Variants in TFAP2D observed in about 807,000 individuals in gnomAD.
TFAP2D encodes the protein transcription factor AP-2 delta, also known as transcription factor AP-2-delta.
Under a neutral mutation model 43.6 loss-of-function variants are expected in TFAP2D, and 9 were observed. The ratio of observed to expected loss-of-function variants is 0.21; its 90% CI spans 0.12 to 0.36. The LOEUF (loss-of-function observed/expected upper bound fraction) is 0.36. TFAP2D is among the 10% of genes least tolerant of loss of function. The pLI is 1.00. For missense variants in TFAP2D, 513 were observed against 561.4 expected (o/e 0.91, Z 0.87); for synonymous variants, 256 against 224.9 (o/e 1.14, Z -1.24).
At chr6:50,728,564 G>C (rs1768840362) in intron 3 of TFAP2D, among the ~76,000 whole-genome samples, 1 of 152,180 alleles carries the variant, frequency 6.6e-6, no homozygotes, top group Non-Finnish European at 1.5e-5. Context: ...GTGTTTCTTA[G>C]TGTGGATGTT....
chr6:50,727,261 G>T (rs1458900125), intron 3 of TFAP2D, among the ~76,000 whole-genome samples: 2 of 152,174 alleles, frequency 1.3e-5, no homozygotes, highest in Non-Finnish European at 2.9e-5. Flanking sequence ...AGGTACAGGG[G>T]TAGAAATGTT....
chr6:50,742,915 C>G (rs1769072221), intron 5 of TFAP2D, among the ~76,000 whole-genome samples: 1 of 147,608 alleles, frequency 6.8e-6, no homozygotes, highest in South Asian at 2.2e-4. Flanking sequence ...ATTTTTCAAG[C>G]AATAGTGAGT....
At chr6:50,726,560 A>T (rs1467808543) in intron 3 of TFAP2D, among the ~76,000 whole-genome samples, 1 of 152,152 alleles carries the variant, frequency 6.6e-6, no homozygotes, top group African/African-American at 2.4e-5. Context: ...TTTTTAGAAG[A>T]GGGCTATGTG....
At position 50,756,897 on chromosome 6, in the gene TFAP2D, T is replaced by C. The variant is rs143319233; in HGVS notation, c.1139+5573T>C. ...TGGAAACCCAGAGCCCTAACTTTTT[T>C]GAAATGTTAGGAATTCCCCTCTTTG... On this transcript the variant is annotated intron_variant, in intron 7 of 7. Transcript: ENST00000008391. Among the ~76,000 whole-genome samples the C allele has an allele frequency of 7.7e-3, 1,174 of 152,062 alleles. 5 individuals carry two copies. The highest frequency in any genetic ancestry group is 0.013 in the Non-Finnish European group (874 of 67,936).
intron 5 of TFAP2D, among the ~76,000 whole-genome samples, chr6:50,734,598 T>C (rs192543179): frequency 1.3e-5 from 2 of 152,056 alleles, no homozygotes; most frequent in African/African-American, 4.8e-5. Context: ...AGCTCACAGA[T>C]AAGGAAAGGC....
rs1400901956 is a variant in TFAP2D at position 50,715,328 on chromosome 6, C to T, written c.252C>T (p.Ala84=). 13 of 1,614,020 alleles carry T rather than the reference C, an allele frequency of 8.1e-6. No individual in the cohort carries two copies. Among genetic ancestry groups the T allele is most frequent in the African/African-American group, 4.0e-5 (3 of 74,924 alleles). The part of the protein sequence containing the change: ...FHYEFQHSHP[A]VTPDAYSLNS... ...ACGAGTTTCAGCACAGCCACCCGGC[C>T]GTCACCCCCGACGCCTACTCTCTGA... The change falls in exon 2 of 8, where the codon GCC becomes GCT. Residue 84 remains alanine, a synonymous_variant. Transcript: ENST00000008391.
intron 7 of TFAP2D, among the ~76,000 whole-genome samples, chr6:50,753,603 G>T (rs936758477): frequency 7.3e-6 from 1 of 137,346 alleles, no homozygotes; most frequent in Non-Finnish European, 1.6e-5. Context: ...CTCACCCCTA[G>T]TGAAAAAGAA....
At position 50,763,448 on chromosome 6, in the gene TFAP2D, G is replaced by A. The variant is rs184990722; in HGVS notation, c.1140-9197G>A. On this transcript the variant is annotated intron_variant, in intron 7 of 7. Coordinates refer to ENST00000008391, the MANE Select transcript of TFAP2D (RefSeq NM_172238.4). ...CTCCAACTTTTCTTACAGTATGTGG[G>A]GAGACTTTGTCAGATGCATTGCTGA... 1.6e-4 allele frequency among the ~76,000 whole-genome samples: 25 copies of A among 152,122 alleles called. No homozygotes were observed. The East Asian group carries it at 4.4e-3, about 27-fold the overall frequency.
intron 7 of TFAP2D, among the ~76,000 whole-genome samples, chr6:50,759,903 T>C (rs574754637): frequency 6.6e-6 from 1 of 151,920 alleles, no homozygotes; most frequent in Admixed American, 6.6e-5. Context: ...AGCACACATC[T>C]CCCAATCTGA....
intron 5 of TFAP2D, among the ~76,000 whole-genome samples, chr6:50,735,531 G>A (rs1206941353): frequency 1.3e-5 from 2 of 152,196 alleles, no homozygotes; most frequent in South Asian, 2.1e-4. Flanking sequence ...ATCCCTCAAA[G>A]TTAGGGGGAC....
chr6:50,752,593 T>C (rs567165853), intron 7 of TFAP2D, among the ~76,000 whole-genome samples: 16 of 152,066 alleles, frequency 1.1e-4, no homozygotes, highest in African/African-American at 3.9e-4. Flanking sequence ...TCAGAGACTG[T>C]TAAATAGAAT....
chr6:50,719,042 C>A lies in TFAP2D; in HGVS notation c.538-48C>A, dbSNP rs1447940154. 3 of 1,570,300 alleles carry A rather than the reference C, an allele frequency of 1.9e-6. No individual in the cohort carries two copies. The African/African-American group carries it at 4.1e-5, about 21-fold the overall frequency. On this transcript the variant is annotated intron_variant, in intron 2 of 7. Coordinates refer to ENST00000008391, the MANE Select transcript of TFAP2D (RefSeq NM_172238.4). ...AAAAGACTTTACCTACGTGGTCATG[C>A]ATATGAGTATCCATTTAAGTAATTT...
At chr6:50,763,913 A>T (rs547442592) in intron 7 of TFAP2D, among the ~76,000 whole-genome samples, 1 of 152,272 alleles carries the variant, frequency 6.6e-6, no homozygotes, top group African/African-American at 2.4e-5. Flanking sequence ...TGGTAGTTAC[A>T]CCACTGTGTG....
Position 50,715,307 on chromosome 6 carries a change from G to A in TFAP2D, c.231G>A (p.Glu77=), listed in dbSNP as rs776789440. Residue 77 remains glutamate, a synonymous_variant, in exon 2 of 8, where the codon GAG becomes GAA. Transcript: ENST00000008391. ...TCCACCACCAGTCCTTCCATTACGA[G>A]TTTCAGCACAGCCACCCGGCCGTCA... is the stretch of plus-strand genomic sequence containing the variant. ...TPLHHQSFHY[E]FQHSHPAVTP... 38 of 1,613,878 alleles carry A rather than the reference G, an allele frequency of 2.4e-5. No individual in the cohort carries two copies. Among genetic ancestry groups the A allele is most frequent in the Non-Finnish European group, 3.1e-5 (37 of 1,179,990 alleles).
At chr6:50,758,100 G>A (rs1769314870) in intron 7 of TFAP2D, among the ~76,000 whole-genome samples, 2 of 151,500 alleles carry the variant, frequency 1.3e-5, no homozygotes, top group Non-Finnish European at 2.9e-5. Flanking sequence ...TGATCAATGT[G>A]CTTAATTCTC....
intron 5 of TFAP2D, among the ~76,000 whole-genome samples, chr6:50,741,241 C>T (rs1459694113): frequency 6.6e-6 from 1 of 152,074 alleles, no homozygotes. Flanking sequence ...TACTTTTCTC[C>T]AAGCACCAAC....
At chr6:50,771,956 G>A (rs1006144881) in intron 7 of TFAP2D, among the ~76,000 whole-genome samples, 2 of 152,010 alleles carry the variant, frequency 1.3e-5, no homozygotes, top group Non-Finnish European at 2.9e-5. Flanking sequence ...TGTTTATTGC[G>A]GCACTATTCA....
In TFAP2D at chr6:50,757,499, T is replaced by G. The variant is rs1173175195; in HGVS notation, c.1139+6175T>G. 8.5e-5 allele frequency among the ~76,000 whole-genome samples: 8 copies of G among 94,590 alleles called. No individual in the cohort carries two copies. The South Asian group carries it at 1.7e-3, about 20-fold the overall frequency. 62.1% of individuals were successfully genotyped at this position (94,590 alleles called of 152,430 possible). A position where few individuals can be genotyped will look rare whatever the true frequency, so the allele number is the denominator to read the frequency against. ...TTATTCTATATATATATAATATATA[T>G]AATTATTCTATATATAGAATACATA... On this transcript the variant is annotated intron_variant, in intron 7 of 7. Coordinates refer to ENST00000008391, the MANE Select transcript of TFAP2D (RefSeq NM_172238.4).
chr6:50,720,843 A>G (rs185252795), intron 3 of TFAP2D, among the ~76,000 whole-genome samples: 5 of 152,178 alleles, frequency 3.3e-5, no homozygotes, highest in Non-Finnish European at 7.3e-5. Flanking sequence ...CGCTTCTCCC[A>G]CAGCCGGCCT....
Sources: allele counts gnomAD v4.1 joint callset (sites outside exome capture counted in the v4.1 genomes callset), GRCh38; gene constraint gnomAD v4.1.1; transcripts MANE v1.5; gene names NCBI Gene and HGNC (gene_info 2026-07-23, HGNC 2026-07-21).